Variants in RAI1 observed in about 807,000 individuals in gnomAD.
RAI1 encodes retinoic acid-induced protein 1.
Under a neutral mutation model 123.8 loss-of-function variants are expected in RAI1, and 9 were observed. That is an observed-to-expected ratio of 0.07 (90% CI 0.04 to 0.13). RAI1 has a LOEUF of 0.13. Among genes scored for constraint, RAI1 ranks in the 10% least tolerant of loss-of-function variants. The probability of loss-of-function intolerance (pLI) is 1.00; values close to 1 mark genes in which losing one functional copy is unlikely to be tolerated. For missense variants in RAI1, 2,256 were observed against 2,545.8 expected (o/e 0.89, Z 2.45); for synonymous variants, 1,231 against 1,127.3 (o/e 1.09, Z -1.84).
chr17:17,764,541 C>T (rs916677947), intron 2 of RAI1, among the ~76,000 whole-genome samples: 17 of 148,960 alleles, frequency 1.1e-4, no homozygotes, highest in African/African-American at 4.0e-4. Context: ...GGTGCGATCT[C>T]GCCTCACTAC....
At chr17:17,772,137 G>A (rs1474882610) in intron 2 of RAI1, among the ~76,000 whole-genome samples, 1 of 152,200 alleles carries the variant, frequency 6.6e-6, no homozygotes, top group Non-Finnish European at 1.5e-5. Context: ...GGGAGGTTGG[G>A]TGAGGCATCT....
chr17:17,809,911 G>A lies in RAI1; in HGVS notation c.5710-59G>A. ...GGCGGGGGGCCCACACTGGGGGCGGGGCCTATGGACTGTGAAGTCCGAGGT... is the reference window on the plus strand; with the variant it reads ...GGCGGGGGGCCCACACTGGGGGCGGAGCCTATGGACTGTGAAGTCCGAGGT... On this transcript the variant is annotated intron_variant, in intron 5 of 5. Transcript: ENST00000353383. This position sits in a 1 kb window ranked among gnomAD's most constrained non-coding sequence, Gnocchi z 4.9. 1 of 1,552,542 alleles carries A rather than the reference G, an allele frequency of 6.4e-7. No homozygotes were observed. Among genetic ancestry groups the A allele is most frequent in the Non-Finnish European group, 8.7e-7 (1 of 1,149,148 alleles).
At chr17:17,693,122 CAG>C in intron 1 of RAI1, among the ~76,000 whole-genome samples, 1 of 152,256 alleles carries the variant, frequency 6.6e-6, no homozygotes, top group Non-Finnish European at 1.5e-5. Flanking sequence ...GCCTGCCATG[CAG>C]AGGCATCTGC....
intron 1 of RAI1, among the ~76,000 whole-genome samples, chr17:17,697,211 T>C (rs113765477): frequency 0.064 from 9,674 of 152,208 alleles, 472 homozygotes; most frequent in Non-Finnish European, 0.1. Flanking sequence ...ATCCAAGGCT[T>C]TGGGGAAAAA....
intron 2 of RAI1, among the ~76,000 whole-genome samples, chr17:17,762,412 A>T (rs1410847527): frequency 9.2e-5 from 14 of 151,970 alleles, no homozygotes; most frequent in Admixed American, 9.2e-4. Flanking sequence ...GTGGGAAATG[A>T]AGCTGGGGAG....
chr17:17,722,264 G>T (rs1915904044), intron 1 of RAI1, among the ~76,000 whole-genome samples: 1 of 152,206 alleles, frequency 6.6e-6, no homozygotes, highest in Non-Finnish European at 1.5e-5. Context: ...GCGACGGATG[G>T]ATGGATGAAT....
chr17:17,700,864 C>A (rs1242521928), intron 1 of RAI1, among the ~76,000 whole-genome samples: 2 of 152,242 alleles, frequency 1.3e-5, no homozygotes, highest in African/African-American at 4.8e-5. Flanking sequence ...CAAGGCCCTT[C>A]GGGACCGCTG....
At position 17,794,172 on chromosome 17, in the gene RAI1, C is replaced by T. The variant is rs1280198667; in HGVS notation, c.1224C>T (p.Asp408=). The T allele has an allele frequency of 8.7e-6, 14 of 1,613,756 alleles. No homozygotes were observed. Among genetic ancestry groups the T allele is most frequent in the East Asian group, 2.2e-5 (1 of 44,900 alleles). The part of the protein sequence containing the change: ...PSPTDATSSV[D]TQAGNCKPLQ... ...CAACGGATGCCACCAGCTCTGTGGACACCCAGGCTGGCAACTGCAAGCCCC... is the reference window on the plus strand; with the variant it reads ...CAACGGATGCCACCAGCTCTGTGGATACCCAGGCTGGCAACTGCAAGCCCC... The change falls in exon 3 of 6, where the codon GAC becomes GAT. Residue 408 remains aspartate, a synonymous_variant. Transcript: ENST00000353383.
chr17:17,709,381 A>G (rs890487748), intron 1 of RAI1, among the ~76,000 whole-genome samples: 2 of 152,058 alleles, frequency 1.3e-5, no homozygotes, highest in African/African-American at 4.8e-5. Flanking sequence ...CTCTACTCAG[A>G]AAAGCCCTTT....
chr17:17,747,858 G>A (rs1423315835), intron 2 of RAI1, among the ~76,000 whole-genome samples: 1 of 152,208 alleles, frequency 6.6e-6, no homozygotes, highest in Admixed American at 6.5e-5. Flanking sequence ...GAGCCCAGGA[G>A]TTTGAGACCA....
intron 1 of RAI1, among the ~76,000 whole-genome samples, chr17:17,709,659 G>A (rs1412554013): frequency 1.3e-5 from 2 of 152,208 alleles, no homozygotes; most frequent in Non-Finnish European, 2.9e-5. Flanking sequence ...CCTTCTCTGG[G>A]CCAAGGAGCT....
At chr17:17,757,306 A>G (rs1322806824) in intron 2 of RAI1, among the ~76,000 whole-genome samples, 2 of 152,332 alleles carry the variant, frequency 1.3e-5, no homozygotes, top group South Asian at 4.1e-4. Flanking sequence ...TGAGAGGCCA[A>G]GGTGGGTTTG....
At chr17:17,806,333 A>G (rs761241155) in intron 4 of RAI1, among the ~76,000 whole-genome samples, 2 of 152,236 alleles carry the variant, frequency 1.3e-5, no homozygotes, top group Non-Finnish European at 2.9e-5. Context: ...GATTCCTCAT[A>G]TAACAGGGAT....
intron 2 of RAI1, among the ~76,000 whole-genome samples, chr17:17,735,568 G>C (rs1916407826): frequency 6.6e-6 from 1 of 151,894 alleles, no homozygotes; most frequent in Admixed American, 6.6e-5. Flanking sequence ...TGTTGGTCAG[G>C]CTGGTCTCAA....
intron 2 of RAI1, among the ~76,000 whole-genome samples, chr17:17,789,115 TC>T (rs1347393695): frequency 1.3e-5 from 2 of 152,230 alleles, no homozygotes; most frequent in African/African-American, 4.8e-5. Flanking sequence ...TTGGCTTGCA[TC>T]CTGCTCCAAG....
chr17:17,727,616 C>A (rs1486136679), intron 2 of RAI1, among the ~76,000 whole-genome samples: 10 of 152,270 alleles, frequency 6.6e-5, no homozygotes, highest in Middle Eastern at 3.4e-3. Context: ...ATTCTCCAGA[C>A]AAAAAGCTGA....
chr17:17,691,182 G>A (rs1461640182), intron 1 of RAI1, among the ~76,000 whole-genome samples: 1 of 152,188 alleles, frequency 6.6e-6, no homozygotes, highest in Non-Finnish European at 1.5e-5. Context: ...AGGGGACACT[G>A]GGCCATGTCA....
intron 2 of RAI1, among the ~76,000 whole-genome samples, chr17:17,764,972 G>A (rs1472675009): frequency 1.3e-5 from 2 of 152,220 alleles, no homozygotes; most frequent in Admixed American, 1.3e-4. Context: ...TCTATTGTGT[G>A]CATATGCCAC....
intron 2 of RAI1, chr17:17,779,113 T>C: frequency 5.7e-6 from 2 of 351,852 alleles, no homozygotes; most frequent in East Asian, 7.6e-5. Context: ...AATCAGCCAG[T>C]TGTCCATTCA....
Sources: gnomAD v4.1 joint callset for allele counts (sites outside exome capture counted in the v4.1 genomes callset) on GRCh38, gnomAD v4.1.1 for gene constraint, Gnocchi (gnomAD v3.1) non-coding constraint, MANE v1.5 for transcripts, NCBI Gene and HGNC (gene_info 2026-07-23, HGNC 2026-07-21) for gene names.